Variants in PANK2 observed in about 807,000 individuals in gnomAD.
PANK2 encodes pantothenate kinase 2, mitochondrial.
In PANK2, 36 loss-of-function variants were observed where a neutral mutation model predicts 43.1. That is an observed-to-expected ratio of 0.84 (90% CI 0.64 to 1.10). The LOEUF (loss-of-function observed/expected upper bound fraction) is 1.10, where lower values mean the gene tolerates loss of function less well. PANK2 is among the 50% of genes least tolerant of loss of function. The probability of loss-of-function intolerance (pLI) is 0.00; values close to 1 mark genes in which losing one functional copy is unlikely to be tolerated. For synonymous variants in PANK2, 281 were observed against 238.2 expected (o/e 1.18, Z -1.66); for missense variants, 576 against 593.3 (o/e 0.97, Z 0.30).
In PANK2 at chr20:3,926,044, G is replaced by A. The variant is rs1278710591; in HGVS notation, c.*2750G>A. On this transcript the variant is annotated 3_prime_UTR_variant, in exon 7 of 7. Coordinates refer to ENST00000610179, the MANE Select transcript of PANK2 (RefSeq NM_001386393.1). ...GCCTGAACTAAGATGGGAGGTGGGT[G>A]GCCAGAATGGAGAGGGGAGAAGTGG... 1 of 152,512 alleles carries A rather than the reference G, an allele frequency of 6.6e-6. No individual in the cohort carries two copies. The highest frequency in any genetic ancestry group is 1.5e-5 in the Non-Finnish European group (1 of 68,296). The allele number at this position is 152,512 out of a possible 1,614,324, so 9.4% of individuals were successfully genotyped here.
intron 1 of PANK2, among the ~76,000 whole-genome samples, chr20:3,893,949 T>A (rs2090164295): frequency 7.2e-6 from 1 of 139,390 alleles, no homozygotes; most frequent in South Asian, 2.3e-4. Context: ...TTTTTTTTTT[T>A]TAGAGGAGTT....
chr20:3,889,866 T>C, intron 1 of PANK2, 138 bp downstream of exon 1: 1 of 1,532,312 alleles, frequency 6.5e-7, no homozygotes, highest in South Asian at 1.2e-5. Flanking sequence ...GTGCGTGGCC[T>C]GACATCCGGC....
chr20:3,888,838 C>T, upstream of PANK2: 1 of 471,702 alleles, frequency 2.1e-6, no homozygotes, highest in Non-Finnish European at 3.8e-6. Context: ...TTAGCCCAAA[C>T]ATGCTGGGGG....
intron 1 of PANK2, among the ~76,000 whole-genome samples, chr20:3,893,924 G>GTTTTTTTTTTTTTTTTTT (rs1046729224): frequency 8.0e-6 from 1 of 124,924 alleles, no homozygotes; most frequent in Non-Finnish European, 1.6e-5. Context: ...TTTTTTGTTT[G>GTTTTTTTTTTTTTTTTTT]TTTTTTGTTT....
Position 3,908,290 on chromosome 20 carries a change from T to C in PANK2, c.651+12T>C, listed in dbSNP as rs529472868. On this transcript the variant is annotated intron_variant, in intron 2 of 6. Transcript: ENST00000610179. ...AGGATTTTCTCACAGTATGCATTTT[T>C]TAGCTTATATACAATTTATGGTAAT... is the stretch of plus-strand genomic sequence containing the variant. 1 of 1,569,612 alleles carries C rather than the reference T, an allele frequency of 6.4e-7. No individual in the cohort carries two copies. The highest frequency in any genetic ancestry group is 1.3e-5 in the African/African-American group (1 of 74,224).
At chr20:3,888,895 A>AT (rs2090057802), upstream of PANK2, 1 of 521,422 alleles carries the variant, frequency 1.9e-6, no homozygotes, top group South Asian at 3.0e-5. Context: ...GCCGAGGGAC[A>AT]AAGGCTAAGG....
chr20:3,907,690 A>T (rs6116087), intron 1 of PANK2, among the ~76,000 whole-genome samples: 2 of 151,972 alleles, frequency 1.3e-5, no homozygotes, highest in Non-Finnish European at 1.5e-5. Flanking sequence ...TGTCTGACAG[A>T]ATGGTTGGGT....
At chr20:3,891,186 A>G (rs2090117343) in intron 1 of PANK2, 1 of 152,182 alleles carries the variant, frequency 6.6e-6, no homozygotes, top group Non-Finnish European at 1.5e-5. Flanking sequence ...CATTGCTGGG[A>G]CTAAAGGCAC....
Position 3,928,481 on chromosome 20 carries a change from G to A in PANK2, c.*5187G>A, listed in dbSNP as rs992971559. The A allele has an allele frequency of 2.0e-5, 3 of 152,200 alleles. No homozygotes were observed. Among genetic ancestry groups the A allele is most frequent in the South Asian group, 4.1e-4 (2 of 4,838 alleles). 9.4% of individuals were successfully genotyped at this position (152,200 alleles called of 1,614,324 possible). On this transcript the variant is annotated 3_prime_UTR_variant, in exon 7 of 7. Coordinates refer to ENST00000610179, the MANE Select transcript of PANK2 (RefSeq NM_001386393.1). Reference sequence around the variant, plus strand: ...CTTAAACTAAAAAAATTATTGGCCGGGCGCAGTGGCTCACGCCTGTAATCC... The same window carrying A: ...CTTAAACTAAAAAAATTATTGGCCGAGCGCAGTGGCTCACGCCTGTAATCC...
intron 1 of PANK2, chr20:3,891,241 T>C (rs1419446671): frequency 6.6e-6 from 1 of 152,152 alleles, no homozygotes; most frequent in African/African-American, 2.4e-5. Context: ...TTTTTTTAAA[T>C]AGAGATGGGA....
chr20:3,918,155 A>G (rs1475516648), intron 5 of PANK2, among the ~76,000 whole-genome samples: 1 of 152,184 alleles, frequency 6.6e-6, no homozygotes, highest in East Asian at 1.9e-4. Context: ...ACCAATTTAG[A>G]TCATCTTTAG....
chr20:3,926,396 G>A lies in PANK2; in HGVS notation c.*3102G>A, dbSNP rs753417775. ...CCTGTGGCTCAGGGGACTGAGAAGAGGAGCTCTCTAGGCATCTGAATTGAG... is the reference window on the plus strand; with the variant it reads ...CCTGTGGCTCAGGGGACTGAGAAGAAGAGCTCTCTAGGCATCTGAATTGAG... On this transcript the variant is annotated 3_prime_UTR_variant, in exon 7 of 7. Transcript: ENST00000610179. The A allele has an allele frequency of 6.6e-6, 1 of 152,250 alleles. No homozygotes were observed. The highest frequency in any genetic ancestry group is 1.5e-5 in the Non-Finnish European group (1 of 68,086). 9.4% of individuals were successfully genotyped at this position (152,250 alleles called of 1,614,324 possible).
At chr20:3,922,225 A>G (rs1214060797) in intron 6 of PANK2, among the ~76,000 whole-genome samples, 2 of 152,188 alleles carry the variant, frequency 1.3e-5, no homozygotes, top group African/African-American at 2.4e-5. Flanking sequence ...CTTACCTTAC[A>G]GGTTGGAGAC....
At chr20:3,905,287 T>A (rs1329604935) in intron 1 of PANK2, among the ~76,000 whole-genome samples, 1 of 152,112 alleles carries the variant, frequency 6.6e-6, no homozygotes, top group Non-Finnish European at 1.5e-5. Context: ...TTTAATAGCA[T>A]TCCTCTTTTG....
Position 3,889,740 on chromosome 20 carries a change from G to T in PANK2, c.298+12G>T, listed in dbSNP as rs1178453098. ...GAAAAAGCGGCCGCGTAAGTGTTCC[G>T]TGGGGCGCCCTCCCGGCCCGCCCTG... On this transcript the variant is annotated intron_variant, in intron 1 of 6. Transcript: ENST00000610179. The T allele has an allele frequency of 1.3e-5, 21 of 1,594,360 alleles. No individual in the cohort carries two copies. Among genetic ancestry groups the T allele is most frequent in the Non-Finnish European group, 1.8e-5 (21 of 1,178,724 alleles).
At chr20:3,915,575 C>T (rs1415525328) in intron 4 of PANK2, among the ~76,000 whole-genome samples, 3 of 152,134 alleles carry the variant, frequency 2.0e-5, no homozygotes, top group African/African-American at 7.2e-5. Context: ...GGATTACAGG[C>T]GTGAGCCACC....
intron 1 of PANK2, among the ~76,000 whole-genome samples, chr20:3,902,970 TAGACACACACACACACACAC>T: frequency 9.3e-6 from 1 of 107,956 alleles, no homozygotes; most frequent in Non-Finnish European, 1.7e-5. Flanking sequence ...CAGATGTGTA[TAGACACACACACACACACAC>T]ACACACACAC....
Position 3,889,397 on chromosome 20 carries a change from G to T in PANK2, c.-34G>T, listed in dbSNP as rs2090071734. The stretch of plus-strand genomic sequence containing the variant: ...CGAGGGCGCGCCTCTGCTCTGGCTG[G>T]ACTGCCGCGGAGGAGGCGAGAAGGA... On this transcript the variant is annotated 5_prime_UTR_variant, in exon 1 of 7. Coordinates refer to ENST00000610179, the MANE Select transcript of PANK2 (RefSeq NM_001386393.1). 1.9e-6 allele frequency: 3 copies of T among 1,572,960 alleles called. No homozygotes were observed. The South Asian group carries it at 3.5e-5, about 18-fold the overall frequency.
At position 3,902,713 on chromosome 20, in the gene PANK2, AC is replaced by A. The variant is rs1340367120; in HGVS notation, c.299-5210del. 2.0e-5 allele frequency among the ~76,000 whole-genome samples: 3 copies of A among 151,542 alleles called. No homozygotes were observed. In the Admixed American group the frequency reaches 2.0e-4, roughly 10 times the overall value. On this transcript the variant is annotated intron_variant, in intron 1 of 6. Coordinates refer to ENST00000610179, the MANE Select transcript of PANK2 (RefSeq NM_001386393.1). The stretch of plus-strand genomic sequence containing the variant: ...TAGGATTACAGGTGTGAGTCACTGC[AC>A]CCAGCCAGGTTCCATTTTCTCTATA...
Sources: allele counts gnomAD v4.1 joint callset (sites outside exome capture counted in the v4.1 genomes callset), GRCh38; gene constraint gnomAD v4.1.1; transcripts MANE v1.5; gene names NCBI Gene and HGNC (gene_info 2026-07-23, HGNC 2026-07-21).